Variants in PDE4B observed in about 807,000 individuals in gnomAD.
PDE4B encodes 3',5'-cyclic-AMP phosphodiesterase 4B.
A neutral mutation model predicts 82.2 loss-of-function variants in PDE4B; 20 were observed. The observed-to-expected ratio is 0.24, with a 90% confidence interval of 0.17 to 0.35. PDE4B has a LOEUF of 0.35. Among genes scored for constraint, PDE4B ranks in the 10% least tolerant of loss-of-function variants. The pLI, the probability that PDE4B is intolerant of heterozygous loss-of-function variation, is 1.00. For synonymous variants in PDE4B, 320 were observed against 318.9 expected, an observed-to-expected ratio of 1.00 and a Z score of -0.04; for missense variants, 655 against 907.2, an observed-to-expected ratio of 0.72 and a Z score of 3.57.
intron 3 of PDE4B, among the ~76,000 whole-genome samples, chr1:65,929,023 A>G (rs973879790): frequency 6.6e-6 from 1 of 152,178 alleles, no homozygotes; most frequent in East Asian, 1.9e-4. Flanking sequence ...CTGTTTATAT[A>G]AATGAGAAAA....
intron 3 of PDE4B, among the ~76,000 whole-genome samples, chr1:66,009,580 C>A (rs1168232514): frequency 6.6e-6 from 1 of 152,150 alleles, no homozygotes; most frequent in African/African-American, 2.4e-5. Flanking sequence ...TTTCCTTCCC[C>A]TCACACCATC....
intron 7 of PDE4B, among the ~76,000 whole-genome samples, chr1:66,304,301 G>A (rs1658118454): frequency 6.6e-6 from 1 of 152,032 alleles, no homozygotes; most frequent in African/African-American, 2.4e-5. Flanking sequence ...AGCACGACTG[G>A]GTTCTAATAA....
chr1:66,107,108 A>T (rs1645379583), intron 3 of PDE4B, among the ~76,000 whole-genome samples: 1 of 148,826 alleles, frequency 6.7e-6, no homozygotes, highest in Non-Finnish European at 1.5e-5. Flanking sequence ...CACGGCTTTG[A>T]ATGTGTCCCA....
chr1:65,826,332 A>AG (rs201519703), intron 1 of PDE4B, among the ~76,000 whole-genome samples: 2,826 of 152,308 alleles, frequency 0.019, 37 homozygotes, highest in Middle Eastern at 0.058. Flanking sequence ...GTTGCATATA[A>AG]GCTGCTAATA....
At chr1:65,803,900 G>A (rs1570951478) in intron 1 of PDE4B, among the ~76,000 whole-genome samples, 1 of 152,128 alleles carries the variant, frequency 6.6e-6, no homozygotes, top group African/African-American at 2.4e-5. Context: ...CATGGCAAAT[G>A]TCATGCTTTC....
chr1:66,130,345 T>TTTCA (rs1321873869), intron 3 of PDE4B, among the ~76,000 whole-genome samples: 4 of 152,364 alleles, frequency 2.6e-5, no homozygotes, highest in East Asian at 3.9e-4. Context: ...TCATTTATTC[T>TTTCA]TTCATTCATT....
chr1:66,114,240 C>A lies in PDE4B; in HGVS notation c.282-133220C>A, dbSNP rs779127144. Among the ~76,000 whole-genome samples, 13 of 152,286 alleles carry A rather than the reference C, an allele frequency of 8.5e-5. No homozygotes were observed. In the East Asian group the frequency reaches 2.5e-3, roughly 29 times the overall value. ...GCACCTTGATCTCGGACTTCACAAC[C>A]TCCAGAACCCTGAGAAATGAATTTC... On this transcript the variant is annotated intron_variant, in intron 3 of 16. Transcript: ENST00000341517.
At chr1:66,121,936 T>G (rs1471433463) in intron 3 of PDE4B, among the ~76,000 whole-genome samples, 1 of 152,198 alleles carries the variant, frequency 6.6e-6, no homozygotes, top group African/African-American at 2.4e-5. Flanking sequence ...TCTACTTCTT[T>G]CTGTCTCATA....
intron 3 of PDE4B, among the ~76,000 whole-genome samples, chr1:66,001,591 A>G (rs1446099953): frequency 6.6e-6 from 1 of 152,172 alleles, no homozygotes; most frequent in East Asian, 1.9e-4. Flanking sequence ...TCTTTTGGCT[A>G]TTATGAATAA....
chr1:65,852,073 T>C (rs1030734060), intron 1 of PDE4B, among the ~76,000 whole-genome samples: 17 of 152,152 alleles, frequency 1.1e-4, no homozygotes, highest in African/African-American at 3.8e-4. Flanking sequence ...TTTTTCTTGA[T>C]TATGGTATAT....
At chr1:66,151,511 A>G (rs764513992) in intron 3 of PDE4B, among the ~76,000 whole-genome samples, 5 of 152,186 alleles carry the variant, frequency 3.3e-5, no homozygotes, top group Non-Finnish European at 5.9e-5. Context: ...AATTCCCAGA[A>G]ATAAGGCTGC....
At chr1:65,958,918 T>A (rs1649408363) in intron 3 of PDE4B, among the ~76,000 whole-genome samples, 1 of 152,226 alleles carries the variant, frequency 6.6e-6, no homozygotes, top group South Asian at 2.1e-4. Flanking sequence ...CAAATGTTCG[T>A]AACTGCATAT....
At chr1:66,359,245 G>A (rs1017929587) in intron 9 of PDE4B, among the ~76,000 whole-genome samples, 3 of 152,210 alleles carry the variant, frequency 2.0e-5, no homozygotes, top group African/African-American at 4.8e-5. Flanking sequence ...GTGTGATCTA[G>A]CAAGACATGA....
At chr1:65,946,560 A>G (rs1648723729) in intron 3 of PDE4B, among the ~76,000 whole-genome samples, 1 of 151,866 alleles carries the variant, frequency 6.6e-6, no homozygotes, top group Admixed American at 6.6e-5. Flanking sequence ...TTGAGTTTCC[A>G]TGGTTTGTTA....
At chr1:66,116,173 G>A (rs1466278755) in intron 3 of PDE4B, among the ~76,000 whole-genome samples, 1 of 150,216 alleles carries the variant, frequency 6.7e-6, no homozygotes, top group African/African-American at 2.5e-5. Flanking sequence ...GGGCATGCCC[G>A]GATTTTGAAA....
At chr1:65,957,053 T>C (rs1456252396) in intron 3 of PDE4B, among the ~76,000 whole-genome samples, 1 of 152,114 alleles carries the variant, frequency 6.6e-6, no homozygotes, top group African/African-American at 2.4e-5. Context: ...CATCTCTGTT[T>C]AGCTTTTTTG....
At chr1:66,144,194 C>T (rs978000390) in intron 3 of PDE4B, among the ~76,000 whole-genome samples, 3 of 152,168 alleles carry the variant, frequency 2.0e-5, no homozygotes, top group Non-Finnish European at 4.4e-5. Context: ...CAAACGGTTC[C>T]AGGTTTTTTT....
chr1:66,333,467 TACACAC>T lies in PDE4B; in HGVS notation c.747+861_747+866del, dbSNP rs34525171. 1.3e-4 allele frequency among the ~76,000 whole-genome samples: 19 copies of T among 151,280 alleles called. No individual in the cohort carries two copies. In the South Asian group the frequency reaches 3.5e-3, roughly 28 times the overall value. ...TTATACAAAGTTATATATGTGTGTG[TACACAC>T]ACACACACACACATACACTTTGTTA... On this transcript the variant is annotated intron_variant, in intron 8 of 16. Transcript: ENST00000341517.
chr1:66,152,379 C>T (rs1646414486), intron 3 of PDE4B: 1 of 169,666 alleles, frequency 5.9e-6, no homozygotes, highest in Admixed American at 5.6e-5. Flanking sequence ...TTCTTAAATT[C>T]TCCCTCTGTC....
Sources: allele counts gnomAD v4.1 joint callset (sites outside exome capture counted in the v4.1 genomes callset), GRCh38; gene constraint gnomAD v4.1.1; transcripts MANE v1.5; gene names NCBI Gene and HGNC (gene_info 2026-07-23, HGNC 2026-07-21).